ELMO1: variants seen among roughly 807,000 people sequenced by gnomAD.
ELMO1 encodes the protein engulfment and cell motility 1, also known as engulfment and cell motility protein 1.
ELMO1 carries 26 observed loss-of-function variants against 98.9 expected under a neutral mutation model. That is an observed-to-expected ratio of 0.26 (90% CI 0.19 to 0.36). ELMO1 has a LOEUF of 0.36. ELMO1 is among the 10% of genes least tolerant of loss of function. The pLI, the probability that ELMO1 is intolerant of heterozygous loss-of-function variation, is 1.00. For missense variants in ELMO1, 627 were observed against 935.2 expected (o/e 0.67, Z 4.30); for synonymous variants, 346 against 346.0 (o/e 1.00, Z 0.00).
intron 13 of ELMO1, among the ~76,000 whole-genome samples, chr7:37,161,472 A>G (rs1789198016): frequency 6.6e-6 from 1 of 152,056 alleles, no homozygotes; most frequent in African/African-American, 2.4e-5. Flanking sequence ...AGTCCCCCAA[A>G]ATATTGTGGG....
rs1001329073 is a variant in ELMO1 at position 37,321,857 on chromosome 7, C to CCA, written c.79-5898_79-5897insTG. 2.9e-5 allele frequency among the ~76,000 whole-genome samples: 4 copies of CCA among 137,454 alleles called. 1 individual carries two copies. Among genetic ancestry groups the CCA allele is most frequent in the African/African-American group, 5.3e-5 (2 of 37,918 alleles). 90.2% of individuals were successfully genotyped at this position (137,454 alleles called of 152,430 possible). ...CCAAAAGGAACTAAAAAGTAACTCC[C>CCA]TTTTTTTTTTTTTTTTTGTAAACGG... On this transcript the variant is annotated intron_variant, in intron 2 of 21. Transcript: ENST00000310758.
chr7:37,286,188 T>TA (rs1205353505), intron 4 of ELMO1, among the ~76,000 whole-genome samples: 2 of 152,042 alleles, frequency 1.3e-5, no homozygotes, highest in African/African-American at 4.8e-5. Context: ...GAGGATGAGA[T>TA]AAAAACATTT....
chr7:37,391,058 T>TCCTC (rs1183088140), intron 1 of ELMO1, among the ~76,000 whole-genome samples: 49 of 103,780 alleles, frequency 4.7e-4, no homozygotes, highest in East Asian at 4.1e-3. Flanking sequence ...CTTCCTTCCT[T>TCCTC]CCTCCCTCCC....
intron 1 of ELMO1, among the ~76,000 whole-genome samples, chr7:37,418,904 G>C (rs1804348774): frequency 6.6e-6 from 1 of 152,154 alleles, no homozygotes; most frequent in Non-Finnish European, 1.5e-5. Flanking sequence ...CAGAGGCTAG[G>C]AGTCGGGTAC....
chr7:37,059,769 A>G (rs1203774224), intron 15 of ELMO1, among the ~76,000 whole-genome samples: 1 of 152,170 alleles, frequency 6.6e-6, no homozygotes, highest in Non-Finnish European at 1.5e-5. Flanking sequence ...GCACCAGAGC[A>G]ATAATGGTAA....
At chr7:37,022,729 T>C (rs968332684) in intron 15 of ELMO1, among the ~76,000 whole-genome samples, 2 of 152,190 alleles carry the variant, frequency 1.3e-5, no homozygotes. Flanking sequence ...TAGCCAAAGA[T>C]ATAAACCCAA....
chr7:37,283,986 C>T (rs1378605508), intron 4 of ELMO1, among the ~76,000 whole-genome samples: 2 of 152,220 alleles, frequency 1.3e-5, no homozygotes, highest in Non-Finnish European at 2.9e-5. Context: ...ACTGCTTCTT[C>T]TGGACCCATA....
At chr7:37,427,524 A>G (rs778055297) in intron 1 of ELMO1, among the ~76,000 whole-genome samples, 1 of 152,188 alleles carries the variant, frequency 6.6e-6, no homozygotes, top group Non-Finnish European at 1.5e-5. Context: ...ATGGCTGAAA[A>G]CCTATAAAAA....
chr7:37,213,417 G>A lies in ELMO1; in HGVS notation c.872C>T (p.Ala291Val), dbSNP rs778770532. 9 of 1,612,248 alleles carry A rather than the reference G, an allele frequency of 5.6e-6. No individual in the cohort carries two copies. The highest frequency in any genetic ancestry group is 2.2e-5 in the South Asian group (2 of 91,006). Residue 291 changes from alanine to valine, a missense_variant, in exon 12 of 22, where the codon GCG becomes GTG. Ala to Val is a moderately conservative substitution (Grantham distance 64). Around this residue, in one of 3 missense-constraint regions of ELMO1, gnomAD observed 492 missense variants for 715.6 expected, o/e 0.69. Coordinates refer to ENST00000310758, the MANE Select transcript of ELMO1 (RefSeq NM_014800.11). ...CACTTGTAGAACATACAGCTGGTGC[G>A]CCATCTCATTGTTGATGGCCCGCTG... Reference protein sequence around the residue: ...RAQRAINNEMAHQLYVLQVLT... With the variant: ...RAQRAINNEMVHQLYVLQVLT...
chr7:37,147,306 T>C (rs564880145), intron 13 of ELMO1, among the ~76,000 whole-genome samples: 5 of 152,220 alleles, frequency 3.3e-5, no homozygotes, highest in African/African-American at 1.2e-4. Context: ...TACCTCCCTC[T>C]CTGATGGACA....
Position 37,164,826 on chromosome 7 carries a change from T to C in ELMO1, c.1087-31592A>G, listed in dbSNP as rs538031085. ...GGATTGACTTGGCAATGCGGGCTCT[T>C]TTTTGGTTCCATATGAACTTTAAAG... On this transcript the variant is annotated intron_variant, in intron 13 of 21. Transcript: ENST00000310758. 6.7e-3 allele frequency among the ~76,000 whole-genome samples: 1,005 copies of C among 150,602 alleles called. 6 individuals carry two copies. Among genetic ancestry groups the C allele is most frequent in the Non-Finnish European group, 0.011 (713 of 67,488 alleles).
At chr7:37,314,447 C>G (rs1425001965) in intron 4 of ELMO1, among the ~76,000 whole-genome samples, 2 of 152,180 alleles carry the variant, frequency 1.3e-5, no homozygotes, top group Admixed American at 1.3e-4. Flanking sequence ...TGCCTACATA[C>G]ATAATTCCAC....
In ELMO1 at chr7:37,163,506, A is replaced by G. The variant is rs546844066; in HGVS notation, c.1087-30272T>C. 2.0e-5 allele frequency among the ~76,000 whole-genome samples: 3 copies of G among 146,692 alleles called. No individual in the cohort carries two copies. In the Admixed American group the frequency reaches 2.1e-4, roughly 10 times the overall value. On this transcript the variant is annotated intron_variant, in intron 13 of 21. Coordinates refer to ENST00000310758, the MANE Select transcript of ELMO1 (RefSeq NM_014800.11). ...TATCCCTCCCCCATCCCCCAACCCC[A>G]CAACAGTCCCCAGAGCGTGATGTTC...
chr7:37,163,730 T>G (rs1337041871), intron 13 of ELMO1, among the ~76,000 whole-genome samples: 1 of 152,242 alleles, frequency 6.6e-6, no homozygotes, highest in Non-Finnish European at 1.5e-5. Context: ...CTTAATCCAG[T>G]CTATCATTGT....
At chr7:37,081,519 G>A (rs1014689807) in intron 15 of ELMO1, among the ~76,000 whole-genome samples, 1 of 152,182 alleles carries the variant, frequency 6.6e-6, no homozygotes, top group Non-Finnish European at 1.5e-5. Context: ...GTTGTGGGAG[G>A]GACCCAGTGG....
chr7:37,437,554 C>T (rs572350302), intron 1 of ELMO1, among the ~76,000 whole-genome samples: 13 of 152,248 alleles, frequency 8.5e-5, no homozygotes, highest in Non-Finnish European at 1.6e-4. Flanking sequence ...TACAATTGGA[C>T]GTATTGATAC....
chr7:36,887,504 AGGGAGCG>A, intron 18 of ELMO1, 49 bp downstream of exon 18: 1 of 1,520,142 alleles, frequency 6.6e-7, no homozygotes, highest in Non-Finnish European at 9.1e-7. Context: ...GTGATTCTCC[AGGGAGCG>A]GGCCACTGTT....
At chr7:37,234,065 CAT>C (rs934601700) in intron 7 of ELMO1, among the ~76,000 whole-genome samples, 7 of 152,174 alleles carry the variant, frequency 4.6e-5, no homozygotes, top group Admixed American at 6.5e-5. Context: ...CAGAATCTTT[CAT>C]AGATATTCAC....
intron 13 of ELMO1, among the ~76,000 whole-genome samples, chr7:37,203,761 G>A (rs1792432937): frequency 6.6e-6 from 1 of 152,134 alleles, no homozygotes; most frequent in South Asian, 2.1e-4. Context: ...GGATAGATGG[G>A]CGAGTCTGCT....
Sources: gnomAD v4.1 joint callset for allele counts (sites outside exome capture counted in the v4.1 genomes callset) on GRCh38, gnomAD v4.1.1 for gene constraint, gnomAD v4.1.1 regional missense constraint, MANE v1.5 for transcripts, NCBI Gene and HGNC (gene_info 2026-07-23, HGNC 2026-07-21) for gene names.